The following GLB1 variants were observed in gnomAD, a reference collection of about 807,000 sequenced individuals.
GLB1 encodes the protein galactosidase beta 1.
GLB1 carries 56 observed loss-of-function variants against 74.0 expected under a neutral mutation model. The observed-to-expected ratio is 0.76, with a 90% CI of 0.61 to 0.94. The LOEUF is 0.94. GLB1 is among the 40% of genes least tolerant of loss of function. GLB1 has a pLI of 0.00. For synonymous variants in GLB1, 323 were observed against 323.6 expected (o/e 1.00, Z 0.02); for missense variants, 787 against 845.5 (o/e 0.93, Z 0.86).
chr3:33,063,250 GA>G (rs11459888), intron 5 of GLB1, among the ~76,000 whole-genome samples: 7 of 151,816 alleles, frequency 4.6e-5, no homozygotes, highest in South Asian at 2.1e-4. Flanking sequence ...TAAGAAAGCA[GA>G]AAAAAAAGGC....
rs371566143 is a variant in GLB1, at chr3:33,051,815, G to T, written c.915-17C>A. 1.6e-5 allele frequency: 26 copies of T among 1,614,080 alleles called. No homozygotes were observed. The African/African-American group carries it at 3.1e-4, about 19-fold the overall frequency. ...AACATGTACCTACAAGGAAACAAAA[G>T]AACACGGTACTTCACTGTGAGCCCA... On this transcript the variant is annotated splice_polypyrimidine_tract_variant and intron_variant, in intron 8 of 15. Transcript: ENST00000307363.
intron 1 of GLB1, among the ~76,000 whole-genome samples, chr3:33,084,502 TC>T (rs1484876768): frequency 6.6e-6 from 1 of 151,862 alleles, no homozygotes; most frequent in African/African-American, 2.4e-5. Flanking sequence ...GCTTATGCAT[TC>T]GATTTTTATT....
chr3:33,000,799 G>T (rs962921385), intron 15 of GLB1, among the ~76,000 whole-genome samples: 1 of 152,140 alleles, frequency 6.6e-6, no homozygotes, highest in Admixed American at 6.5e-5. Context: ...GGACTACAGA[G>T]CTAAGGTATG....
intron 12 of GLB1, among the ~76,000 whole-genome samples, chr3:33,021,087 C>T (rs1182848007): frequency 9.6e-6 from 1 of 103,914 alleles, no homozygotes; most frequent in Admixed American, 1.1e-4. Context: ...TACACATATA[C>T]AAACACTGAA....
chr3:33,079,583 T>C (rs1183742548), intron 1 of GLB1, among the ~76,000 whole-genome samples: 1 of 152,182 alleles, frequency 6.6e-6, no homozygotes, highest in Non-Finnish European at 1.5e-5. Flanking sequence ...CAAATAAAAA[T>C]GCAGACTGAT....
the GLB1 span, among the ~76,000 whole-genome samples, chr3:32,975,854 A>C: frequency 4.6e-5 from 7 of 152,358 alleles, 1 homozygote; most frequent in East Asian, 5.8e-4. Context: ...ACCCACTAAG[A>C]AAGAACAAAA....
chr3:32,970,743 C>T, the GLB1 span, among the ~76,000 whole-genome samples: 1 of 152,092 alleles, frequency 6.6e-6, no homozygotes, highest in African/African-American at 2.4e-5. Flanking sequence ...CCCAAATCGC[C>T]CCACCCGAAT....
At chr3:33,081,807 A>G (rs1415940779) in intron 1 of GLB1, among the ~76,000 whole-genome samples, 1 of 152,230 alleles carries the variant, frequency 6.6e-6, no homozygotes, top group Non-Finnish European at 1.5e-5. Flanking sequence ...CATAAGCCAC[A>G]CGTTTCTGTG....
the GLB1 span, among the ~76,000 whole-genome samples, chr3:32,963,330 T>C: frequency 3.9e-5 from 6 of 152,036 alleles, no homozygotes; most frequent in Admixed American, 1.3e-4. Context: ...AAAATAGAAG[T>C]TCTAAAAGGA....
intron 1 of GLB1, chr3:33,077,270 GC>G: frequency 6.4e-7 from 1 of 1,571,360 alleles, no homozygotes. Flanking sequence ...TTTGAAGGTG[GC>G]AGGGCAGGAG....
At chr3:32,972,764 G>A in the GLB1 span, among the ~76,000 whole-genome samples, 3 of 152,190 alleles carry the variant, frequency 2.0e-5, no homozygotes, top group Non-Finnish European at 4.4e-5. Flanking sequence ...CAGGAATTAA[G>A]AGAAATTAAA....
chr3:33,027,097 C>G (rs754565626), intron 10 of GLB1, among the ~76,000 whole-genome samples: 2 of 152,228 alleles, frequency 1.3e-5, no homozygotes, highest in African/African-American at 4.8e-5. Flanking sequence ...GACCTGGGAG[C>G]TACCCGAGCT....
At chr3:33,034,416 G>A in intron 10 of GLB1, 1 of 742,526 alleles carries the variant, frequency 1.3e-6, no homozygotes, top group Non-Finnish European at 2.5e-6. Flanking sequence ...TTTCCATCAG[G>A]TGGCTGTGAC....
At chr3:33,064,014 C>T (rs967342928) in intron 5 of GLB1, among the ~76,000 whole-genome samples, 15 of 152,122 alleles carry the variant, frequency 9.9e-5, no homozygotes, top group Non-Finnish European at 1.8e-4. Context: ...GATCCATCCC[C>T]ACAAGCTGCC....
intron 7 of GLB1, 57 bp from the exon 8 acceptor site, chr3:33,052,061 GGC>G: frequency 1.2e-6 from 2 of 1,605,128 alleles, no homozygotes; most frequent in South Asian, 2.2e-5. Context: ...CCAATGCCAG[GGC>G]TTCCCTGCAA....
intron 9 of GLB1, among the ~76,000 whole-genome samples, chr3:33,048,074 A>G (rs915407949): frequency 3.3e-5 from 5 of 152,014 alleles, no homozygotes; most frequent in African/African-American, 1.2e-4. Flanking sequence ...GTCTCTCTCC[A>G]TGCTACACTG....
chr3:33,074,707 C>A (rs1263138587), intron 1 of GLB1, among the ~76,000 whole-genome samples: 1 of 152,094 alleles, frequency 6.6e-6, no homozygotes, highest in Non-Finnish European at 1.5e-5. Context: ...TTTAAGAAGC[C>A]AACTAACTAG....
the GLB1 span, among the ~76,000 whole-genome samples, chr3:32,980,380 A>G: frequency 6.6e-6 from 1 of 152,242 alleles, no homozygotes; most frequent in Non-Finnish European, 1.5e-5. Flanking sequence ...TGTTTTGCTC[A>G]TTAAATTTCA....
chr3:33,080,569 G>A (rs1239187894), intron 1 of GLB1, among the ~76,000 whole-genome samples: 2 of 152,186 alleles, frequency 1.3e-5, no homozygotes, highest in South Asian at 2.1e-4. Flanking sequence ...ATGCCCCTGA[G>A]GGCAACCTTC....
Sources: allele counts gnomAD v4.1 joint callset (sites outside exome capture counted in the v4.1 genomes callset), GRCh38; gene constraint gnomAD v4.1.1; transcripts MANE v1.5; gene names NCBI Gene and HGNC (gene_info 2026-07-23, HGNC 2026-07-21).